ARPC5L: variants seen among roughly 807,000 people sequenced by gnomAD.
The protein encoded by ARPC5L is actin related protein 2/3 complex subunit 5 like.
Under a neutral mutation model 16.9 loss-of-function variants are expected in ARPC5L, and 4 were observed. That is an observed-to-expected ratio of 0.24 (90% CI 0.12 to 0.54). The LOEUF is 0.54. ARPC5L is among the 20% of genes least tolerant of loss of function. ARPC5L has a pLI of 0.95. For missense variants in ARPC5L, 151 were observed against 201.9 expected (o/e 0.75, Z 1.53); for synonymous variants, 78 against 82.6 (o/e 0.94, Z 0.30).
At chr9:124,875,636 A>G (rs1274880528) in intron 5 of ARPC5L, among the ~76,000 whole-genome samples, 3 of 152,152 alleles carry the variant, frequency 2.0e-5, no homozygotes, top group African/African-American at 7.2e-5. Context: ...CTCACTTAAT[A>G]TGGCCTTCGT....
At chr9:124,876,025 G>A (rs904403199) in intron 5 of ARPC5L, among the ~76,000 whole-genome samples, 8 of 152,220 alleles carry the variant, frequency 5.3e-5, no homozygotes, top group Admixed American at 4.6e-4. Context: ...AGGACCTCTC[G>A]TCCCTTTAAG....
chr9:124,875,559 T>A (rs1829421345), intron 5 of ARPC5L, among the ~76,000 whole-genome samples: 1 of 152,198 alleles, frequency 6.6e-6, no homozygotes, highest in Non-Finnish European at 1.5e-5. Context: ...TCCAGCCAGC[T>A]CTAAGGGCTT....
intron 4 of ARPC5L, among the ~76,000 whole-genome samples, chr9:124,874,140 C>A (rs118080579): frequency 6.6e-6 from 1 of 152,222 alleles, no homozygotes; most frequent in Admixed American, 6.5e-5. Flanking sequence ...TTCCTACCTT[C>A]TAAAAACTAA....
intron 3 of ARPC5L, chr9:124,872,551 T>A (rs1490467892): frequency 6.6e-5 from 10 of 152,082 alleles, no homozygotes; most frequent in Non-Finnish European, 1.5e-4. Flanking sequence ...GAGGCAATAT[T>A]GCGCCACTGC....
chr9:124,864,390 T>C (rs1257819727), intron 2 of ARPC5L, among the ~76,000 whole-genome samples: 1 of 152,086 alleles, frequency 6.6e-6, no homozygotes, highest in South Asian at 2.1e-4. Context: ...AATGGAGTCT[T>C]GCTCTATTGC....
intron 5 of ARPC5L, 136 bp from the exon 6 acceptor site, chr9:124,876,742 C>CTCTA: frequency 1.4e-6 from 1 of 698,132 alleles, no homozygotes; most frequent in Admixed American, 3.0e-5. Context: ...CTAGAATGTG[C>CTCTA]TCTATCTCAG....
intron 5 of ARPC5L, among the ~76,000 whole-genome samples, chr9:124,876,397 G>A (rs1829435537): frequency 6.6e-6 from 1 of 152,030 alleles, no homozygotes; most frequent in South Asian, 2.1e-4. Context: ...TGAGGCAGGA[G>A]AAGCGCTTGA....
intron 2 of ARPC5L, among the ~76,000 whole-genome samples, chr9:124,865,807 CA>C (rs969601351): frequency 2.0e-5 from 3 of 148,614 alleles, no homozygotes; most frequent in Non-Finnish European, 4.5e-5. Context: ...AAACAAAAAA[CA>C]AAAAAAACAA....
chr9:124,866,134 T>C (rs1206905491), intron 2 of ARPC5L, among the ~76,000 whole-genome samples: 1 of 151,154 alleles, frequency 6.6e-6, no homozygotes, highest in Non-Finnish European at 1.5e-5. Context: ...TCAGGCGCAG[T>C]GGCTCACGTC....
At chr9:124,868,306 C>G (rs985675398) in intron 2 of ARPC5L, 122 bp from the exon 3 acceptor site, 2 of 152,142 alleles carry the variant, frequency 1.3e-5, no homozygotes, top group African/African-American at 4.8e-5. Flanking sequence ...TATAAAAAGA[C>G]CCATTTTACT....
chr9:124,871,199 G>C (rs922045374), intron 3 of ARPC5L, among the ~76,000 whole-genome samples: 3 of 152,206 alleles, frequency 2.0e-5, no homozygotes, highest in African/African-American at 7.2e-5. Context: ...TCCTGGGGCT[G>C]TATAGGGAAG....
Position 124,869,154 on chromosome 9 carries a change from C to G in ARPC5L, c.-137C>G, listed in dbSNP as rs945202611. The G allele has an allele frequency of 5.8e-6, 6 of 1,030,508 alleles. No homozygotes were observed. The highest frequency in any genetic ancestry group is 7.5e-6 in the Non-Finnish European group (6 of 795,432). 63.8% of individuals were successfully genotyped at this position (1,030,508 alleles called of 1,614,324 possible). A position where few individuals can be genotyped will look rare whatever the true frequency, so the allele number is the denominator to read the frequency against. ...GGAAGTGGGCGGGCGGCGGCGGCTG[C>G]GCGCGGAGGCGGTGGAGGAGGTGCT... On this transcript the variant is annotated 5_prime_UTR_variant, in exon 3 of 6. Coordinates refer to ENST00000353214, the MANE Select transcript of ARPC5L (RefSeq NM_030978.3).
rs772931291 is a variant in ARPC5L at position 124,873,711 on chromosome 9, T to C, written c.169T>C (p.Phe57Leu). The C allele has an allele frequency of 6.2e-7, 1 of 1,614,168 alleles. No homozygotes were observed. Among genetic ancestry groups the C allele is most frequent in the East Asian group, 2.2e-5 (1 of 44,884 alleles). Residue 57 changes from phenylalanine to leucine, a missense_variant, in exon 4 of 6, where the codon TTC becomes CTC. Physicochemically the swap from Phe to Leu is conservative, Grantham distance 22. Transcript: ENST00000353214. ...LLRQGDMLRA[F>L]HAALRNSPVN... ...ATGCACAGGGGACATGCTTCGGGCA[T>C]TCCATGCAGCCTTGCGGAACTCTCC...
At chr9:124,869,484 C>T in intron 3 of ARPC5L, 45 bp downstream of exon 3, 1 of 1,403,916 alleles carries the variant, frequency 7.1e-7, no homozygotes. Context: ...GCGGCCTTCT[C>T]ACCTTCCCAC....
intron 3 of ARPC5L, among the ~76,000 whole-genome samples, chr9:124,872,086 T>C (rs1330813686): frequency 1.3e-5 from 2 of 152,186 alleles, no homozygotes; most frequent in African/African-American, 4.8e-5. Flanking sequence ...CACCCATCAA[T>C]GGGCCGAGTG....
At chr9:124,870,741 G>A (rs2131335120) in intron 3 of ARPC5L, among the ~76,000 whole-genome samples, 1 of 152,308 alleles carries the variant, frequency 6.6e-6, no homozygotes, top group Non-Finnish European at 1.5e-5. Context: ...GTGCTGAAAG[G>A]GGCTCCAGGG....
intron 2 of ARPC5L, 51 bp downstream of exon 2, chr9:124,864,158 A>G (rs1829240020): frequency 6.6e-6 from 1 of 151,114 alleles, no homozygotes; most frequent in African/African-American, 2.4e-5. Flanking sequence ...AAGAGAGTAG[A>G]GAGAGGGCAA....
At chr9:124,873,827 C>A in intron 4 of ARPC5L, 63 bp downstream of exon 4, 1 of 1,587,308 alleles carries the variant, frequency 6.3e-7, no homozygotes, top group Non-Finnish European at 8.6e-7. Flanking sequence ...GGTGTCTGCC[C>A]AGTGCGAGTG....
rs1272648463 is a variant in ARPC5L, at chr9:124,862,831, CTTTA to C, written c.-984+441_-984+444del. Among the ~76,000 whole-genome samples, 4 of 151,212 alleles carry C rather than the reference CTTTA, an allele frequency of 2.6e-5. No individual in the cohort carries two copies. In the East Asian group the frequency reaches 5.9e-4, roughly 22 times the overall value. ...GTGAGCCACCACGCCTGGCCCCAGC[CTTTA>C]TTTATTTTTTTTATTTTTTAATTTT... is the stretch of plus-strand genomic sequence containing the variant. On this transcript the variant is annotated intron_variant, in intron 1 of 5. Coordinates refer to ENST00000353214, the MANE Select transcript of ARPC5L (RefSeq NM_030978.3).
Sources: allele counts gnomAD v4.1 joint callset (sites outside exome capture counted in the v4.1 genomes callset), GRCh38; gene constraint gnomAD v4.1.1; transcripts MANE v1.5; gene names NCBI Gene and HGNC (gene_info 2026-07-23, HGNC 2026-07-21).